Variants in LRRC8A observed in about 807,000 individuals in gnomAD.
LRRC8A encodes the protein leucine rich repeat containing 8 VRAC subunit A, also known as volume-regulated anion channel subunit LRRC8A.
A neutral mutation model predicts 52.5 loss-of-function variants in LRRC8A; 24 were observed. That is an observed-to-expected ratio of 0.46 (90% CI 0.33 to 0.64). The LOEUF (loss-of-function observed/expected upper bound fraction) is 0.64. LRRC8A is among the 30% of genes least tolerant of loss of function. LRRC8A has a pLI of 0.02. For missense variants in LRRC8A, 677 were observed against 1,094.7 expected (o/e 0.62, Z 5.38); for synonymous variants, 492 against 494.2 (o/e 1.00, Z 0.06).
chr9:128,908,294 A>G lies in LRRC8A; in HGVS notation c.1130A>G (p.His377Arg). 1.2e-6 allele frequency: 2 copies of G among 1,614,074 alleles called. No individual in the cohort carries two copies. The highest frequency in any genetic ancestry group is 1.7e-6 in the Non-Finnish European group (2 of 1,180,014). Residue 377 changes from histidine (H) to arginine (R), a missense_variant, in exon 3 of 4, where the codon CAC becomes CGC. Coordinates refer to ENST00000372600, the MANE Select transcript of LRRC8A (RefSeq NM_019594.4). ...DVKNDFAFML[H>R]LIDQYDPLYS... is the part of the protein sequence containing the mutation. ...AAGAACGACTTCGCCTTCATGCTGCACCTCATTGACCAATACGACCCGCTC... is the reference window on the plus strand; with the variant it reads ...AAGAACGACTTCGCCTTCATGCTGCGCCTCATTGACCAATACGACCCGCTC...
At chr9:128,897,892 A>G (rs936868019) in intron 2 of LRRC8A, among the ~76,000 whole-genome samples, 1 of 151,872 alleles carries the variant, frequency 6.6e-6, no homozygotes, top group Non-Finnish European at 1.5e-5. Flanking sequence ...ATAATAAAAA[A>G]ATAGAGGGCA....
Position 128,900,553 on chromosome 9 carries a change from C to G in LRRC8A, c.-8-6604C>G, listed in dbSNP as rs572235974. On this transcript the variant is annotated intron_variant, in intron 2 of 3. Transcript: ENST00000372600. The stretch of plus-strand genomic sequence containing the variant: ...GTGAAACCCTGTCTCTACTAAAATA[C>G]AAATATTAGCCGGGCATGGTGGTGG... Among the ~76,000 whole-genome samples, 3 of 151,008 alleles carry G rather than the reference C, an allele frequency of 2.0e-5. No homozygotes were observed. The South Asian group carries it at 6.3e-4, about 32-fold the overall frequency.
At position 128,917,114 on chromosome 9, in the gene LRRC8A, A is replaced by T. The variant is rs533097629; in HGVS notation, c.*743A>T. On this transcript the variant is annotated 3_prime_UTR_variant, in exon 4 of 4. Coordinates refer to ENST00000372600, the MANE Select transcript of LRRC8A (RefSeq NM_019594.4). ...GTTTGGGTATTAAAAAGAAAAAAAAAACTTAAAAAAAAAAAGACACTAACG... is the reference window on the plus strand; with the variant it reads ...GTTTGGGTATTAAAAAGAAAAAAAATACTTAAAAAAAAAAAGACACTAACG... The T allele has an allele frequency of 6.6e-6, 1 of 151,964 alleles. No individual in the cohort carries two copies. Among genetic ancestry groups the T allele is most frequent in the South Asian group, 2.1e-4 (1 of 4,812 alleles). 9.4% of individuals were successfully genotyped at this position (151,964 alleles called of 1,614,324 possible). A position where few individuals can be genotyped will look rare whatever the true frequency, so the allele number is the denominator to read the frequency against.
chr9:128,916,837 T>G lies in LRRC8A; in HGVS notation c.*466T>G. ...GGCTGCCTTTTCCCCTTGTCCTTAT[T>G]TAGCGATGCCGCCGGGCATTTAACA... is the stretch of plus-strand genomic sequence containing the variant. On this transcript the variant is annotated 3_prime_UTR_variant, in exon 4 of 4. Transcript: ENST00000372600. This position sits in a 1 kb window ranked among gnomAD's most constrained non-coding sequence, Gnocchi z 6.1. 6.2e-6 allele frequency: 1 copy of G among 162,156 alleles called. No individual in the cohort carries two copies. The highest frequency in any genetic ancestry group is 1.4e-5 in the Non-Finnish European group (1 of 73,070). The allele number at this position is 162,156 out of a possible 1,614,324, so 10.0% of individuals were successfully genotyped here.
At position 128,916,184 on chromosome 9, in the gene LRRC8A, G is replaced by A; in HGVS notation, c.2246G>A (p.Arg749Lys). 1 of 1,613,384 alleles carries A rather than the reference G, an allele frequency of 6.2e-7. No homozygotes were observed. The highest frequency in any genetic ancestry group is 8.5e-7 in the Non-Finnish European group (1 of 1,180,012). The change falls in exon 4 of 4, where the codon AGG becomes AAG. Residue 749 changes from arginine to lysine, a missense_variant. By Grantham distance (26) the Arg-to-Lys change is conservative (BLOSUM62 2). This residue lies in a region of LRRC8A where 169 missense variants were observed against 217.6 expected (regional missense o/e 0.78). Coordinates refer to ENST00000372600, the MANE Select transcript of LRRC8A (RefSeq NM_019594.4). This position sits in a 1 kb window ranked among gnomAD's most constrained non-coding sequence, Gnocchi z 6.1. The part of the protein sequence containing the change: ...GNNVLQSLPS[R>K]VGELTNLTQI... ...AACGTGCTGCAGTCACTGCCCTCCA[G>A]GGTGGGCGAGCTGACCAACCTGACG... is the stretch of plus-strand genomic sequence containing the variant.
Position 128,902,510 on chromosome 9 carries a change from G to A in LRRC8A, c.-8-4647G>A, listed in dbSNP as rs1409300846. ...CGAACACACCCCACTCCCTGAACACGAGGGAGGTGTTGCAGTATCATTGTC... is the reference window on the plus strand; with the variant it reads ...CGAACACACCCCACTCCCTGAACACAAGGGAGGTGTTGCAGTATCATTGTC... On this transcript the variant is annotated intron_variant, in intron 2 of 3. Transcript: ENST00000372600. The surrounding 1 kb of genome is among the most constrained non-coding windows in gnomAD (Gnocchi z 4.1). 6.6e-6 allele frequency among the ~76,000 whole-genome samples: 1 copy of A among 152,186 alleles called. No individual in the cohort carries two copies. Among genetic ancestry groups the A allele is most frequent in the Non-Finnish European group, 1.5e-5 (1 of 68,028 alleles).
At chr9:128,909,432 G>A in intron 3 of LRRC8A, 111 bp downstream of exon 3, 1 of 1,049,406 alleles carries the variant, frequency 9.5e-7, no homozygotes, top group Non-Finnish European at 1.4e-6. Flanking sequence ...GCCCCTGAGT[G>A]TGGAGTCCTC....
chr9:128,899,972 T>C lies in LRRC8A; in HGVS notation c.-8-7185T>C, dbSNP rs186158583. 3.3e-3 allele frequency among the ~76,000 whole-genome samples: 509 copies of C among 152,336 alleles called. 3 individuals are homozygous for C. The highest frequency in any genetic ancestry group is 0.012 in the African/African-American group (498 of 41,580). ...AAACAATGGGGACCTCCTGGCTCAGTGCAGGGGAGAATCTGGCCTTGGCCT... is the reference window on the plus strand; with the variant it reads ...AAACAATGGGGACCTCCTGGCTCAGCGCAGGGGAGAATCTGGCCTTGGCCT... On this transcript the variant is annotated intron_variant, in intron 2 of 3. Transcript: ENST00000372600. This position sits in a 1 kb window ranked among gnomAD's most constrained non-coding sequence, Gnocchi z 4.0.
At chr9:128,915,958 T>A in intron 3 of LRRC8A, 138 bp from the exon 4 acceptor site, 1 of 1,054,454 alleles carries the variant, frequency 9.5e-7, no homozygotes, top group Non-Finnish European at 1.4e-6. Flanking sequence ...GGCCAGAGTT[T>A]GGCCCAGATT....
At position 128,916,454 on chromosome 9, in the gene LRRC8A, C is replaced by T. The variant is rs1840825461; in HGVS notation, c.*83C>T. ...GGGGCAGGCCTAGCTTCTCCCAGAA[C>T]TCCCGGACAGCCAGGACAGCCTCGT... is the stretch of plus-strand genomic sequence containing the variant. On this transcript the variant is annotated 3_prime_UTR_variant, in exon 4 of 4. Coordinates refer to ENST00000372600, the MANE Select transcript of LRRC8A (RefSeq NM_019594.4). This position sits in a 1 kb window ranked among gnomAD's most constrained non-coding sequence, Gnocchi z 6.1. 6.8e-7 allele frequency: 1 copy of T among 1,478,168 alleles called. No individual in the cohort carries two copies. Among genetic ancestry groups the T allele is most frequent in the Non-Finnish European group, 9.0e-7 (1 of 1,110,522 alleles). The allele number at this position is 1,478,168 out of a possible 1,614,324, so 91.6% of individuals were successfully genotyped here.
Position 128,902,897 on chromosome 9 carries a change from G to A in LRRC8A, c.-8-4260G>A, listed in dbSNP as rs942543807. 1.3e-5 allele frequency among the ~76,000 whole-genome samples: 2 copies of A among 152,146 alleles called. No homozygotes were observed. The highest frequency in any genetic ancestry group is 1.3e-4 in the Admixed American group (2 of 15,258). ...AGCTGCCAGCCCAGGGCGGGCGGTG[G>A]TGTCTGCTGGCCCCTTTGTGACCTG... On this transcript the variant is annotated intron_variant, in intron 2 of 3. Transcript: ENST00000372600. The surrounding 1 kb of genome is among the most constrained non-coding windows in gnomAD (Gnocchi z 4.1).
intron 2 of LRRC8A, among the ~76,000 whole-genome samples, chr9:128,900,544 A>C (rs920164182): frequency 6.6e-6 from 1 of 151,826 alleles, no homozygotes; most frequent in Admixed American, 6.6e-5. Context: ...CCCTGTCTCT[A>C]CTAAAATACA....
intron 2 of LRRC8A, among the ~76,000 whole-genome samples, chr9:128,886,613 A>G (rs1199943570): frequency 1.3e-5 from 2 of 152,192 alleles, no homozygotes; most frequent in African/African-American, 2.4e-5. Context: ...GTTTCCCCAC[A>G]CTTATTTGAT....
intron 2 of LRRC8A, among the ~76,000 whole-genome samples, chr9:128,886,933 A>G (rs1030809156): frequency 1.6e-4 from 24 of 152,150 alleles, no homozygotes; most frequent in Admixed American, 3.9e-4. Flanking sequence ...CAGCTTGCCC[A>G]GACTCATCTG....
chr9:128,895,594 C>T (rs1316693426), intron 2 of LRRC8A, among the ~76,000 whole-genome samples: 5 of 152,218 alleles, frequency 3.3e-5, no homozygotes, highest in Non-Finnish European at 7.3e-5. Flanking sequence ...TCCCATTTGT[C>T]CTAGGCACCT....
At chr9:128,893,275 C>G (rs574290496) in intron 2 of LRRC8A, among the ~76,000 whole-genome samples, 1 of 152,282 alleles carries the variant, frequency 6.6e-6, no homozygotes, top group East Asian at 1.9e-4. Flanking sequence ...GTGCTTGAGG[C>G]TCCGCCCTCA....
At position 128,907,999 on chromosome 9, in the gene LRRC8A, A is replaced by G; in HGVS notation, c.835A>G (p.Ile279Val). The change falls in exon 3 of 4, where the codon ATC (isoleucine) becomes GTC (valine). Residue 279 changes from isoleucine to valine, a missense_variant. By Grantham distance (29) the Ile-to-Val change is conservative. This residue lies in a region of LRRC8A where 422 missense variants were observed against 741.5 expected (regional missense o/e 0.57). Coordinates refer to ENST00000372600, the MANE Select transcript of LRRC8A (RefSeq NM_019594.4). This position sits in a 1 kb window ranked among gnomAD's most constrained non-coding sequence, Gnocchi z 9.3. The stretch of plus-strand genomic sequence containing the variant: ...CAAGGTGATCAAGTTCATCCTCATC[A>G]TCTGCTACACCGTCTACTACGTGCA... ...IIKVIKFILIICYTVYYVHNI... is the reference protein window; with the variant it reads ...IIKVIKFILIVCYTVYYVHNI... 1.2e-6 allele frequency: 2 copies of G among 1,614,078 alleles called. No individual in the cohort carries two copies. Among genetic ancestry groups the G allele is most frequent in the Non-Finnish European group, 1.7e-6 (2 of 1,180,014 alleles).
rs974383114 is a variant in LRRC8A, at chr9:128,917,823, A to T, written c.*1452A>T. On this transcript the variant is annotated 3_prime_UTR_variant, in exon 4 of 4. Coordinates refer to ENST00000372600, the MANE Select transcript of LRRC8A (RefSeq NM_019594.4). ...CTTAGAAGGGTCCCCGCCTTAGATC[A>T]ATCACGTGGACACTAAGGCACGTTT... 6 of 152,696 alleles carry T rather than the reference A, an allele frequency of 3.9e-5. No individual in the cohort carries two copies. The highest frequency in any genetic ancestry group is 1.4e-4 in the African/African-American group (6 of 41,472). 9.5% of individuals were successfully genotyped at this position (152,696 alleles called of 1,614,324 possible). A position where few individuals can be genotyped will look rare whatever the true frequency, so the allele number is the denominator to read the frequency against.
At chr9:128,904,464 G>A (rs1037819487) in intron 2 of LRRC8A, among the ~76,000 whole-genome samples, 1 of 152,088 alleles carries the variant, frequency 6.6e-6, no homozygotes, top group African/African-American at 2.4e-5. Flanking sequence ...GCTGTGGTGA[G>A]CTGAGATTGT....
Sources: allele counts gnomAD v4.1 joint callset (sites outside exome capture counted in the v4.1 genomes callset), GRCh38; gene constraint gnomAD v4.1.1; regional missense constraint gnomAD v4.1.1; non-coding constraint Gnocchi (gnomAD v3.1); transcripts MANE v1.5; gene names NCBI Gene and HGNC (gene_info 2026-07-23, HGNC 2026-07-21).